Variants in ASTN2 observed in about 807,000 individuals in gnomAD.
The protein encoded by ASTN2 is astrotactin-2.
In ASTN2, 54 loss-of-function variants were observed where a neutral mutation model predicts 139.8. The observed-to-expected ratio is 0.39, with a 90% CI of 0.31 to 0.48. The LOEUF (loss-of-function observed/expected upper bound fraction) is 0.48, where lower values mean the gene tolerates loss of function less well. Ranked by LOEUF, ASTN2 falls within the 20% of genes least tolerant of loss-of-function variation. ASTN2 has a pLI of 0.95. For missense variants in ASTN2, 1,565 were observed against 1,725.1 expected (o/e 0.91, Z 1.64); for synonymous variants, 756 against 719.5 (o/e 1.05, Z -0.81).
chr9:117,120,791 T>C (rs1440719658), intron 4 of ASTN2, among the ~76,000 whole-genome samples: 1 of 152,202 alleles, frequency 6.6e-6, no homozygotes, highest in Non-Finnish European at 1.5e-5. Flanking sequence ...TCTCATCCTG[T>C]AGGTAATGGA....
chr9:116,505,154 C>G (rs538589190), intron 19 of ASTN2, among the ~76,000 whole-genome samples: 1 of 151,690 alleles, frequency 6.6e-6, no homozygotes, highest in East Asian at 1.9e-4. Flanking sequence ...TCAGAGAACC[C>G]TACTTTGCAT....
At chr9:116,484,250 T>C (rs1044274764) in intron 20 of ASTN2, among the ~76,000 whole-genome samples, 3 of 152,224 alleles carry the variant, frequency 2.0e-5, no homozygotes, top group African/African-American at 7.2e-5. Flanking sequence ...AGGTAAGCCT[T>C]GTTTGTGGAG....
At chr9:116,580,865 A>ATAGAAAACAAGAGCTATG (rs1463662469) in intron 19 of ASTN2, among the ~76,000 whole-genome samples, 12 of 152,184 alleles carry the variant, frequency 7.9e-5, no homozygotes, top group African/African-American at 2.9e-4. Context: ...GAGAGAAATA[A>ATAGAAAACAAGAGCTATG]TAGAAAACAA....
At chr9:116,847,007 C>CAAAAAAAAAAAAAAAAA (rs11302692) in intron 11 of ASTN2, among the ~76,000 whole-genome samples, 3 of 75,882 alleles carry the variant, frequency 4.0e-5, no homozygotes, top group East Asian at 4.0e-4. Context: ...GCTTCATTCT[C>CAAAAAAAAAAAAAAAAA]AAAAAAAAAA....
intron 19 of ASTN2, among the ~76,000 whole-genome samples, chr9:116,566,954 C>A (rs1853265133): frequency 6.6e-6 from 1 of 152,192 alleles, no homozygotes; most frequent in Non-Finnish European, 1.5e-5. Context: ...CTCACATAGG[C>A]CTTTCCCTTA....
intron 20 of ASTN2, among the ~76,000 whole-genome samples, chr9:116,478,968 G>A (rs1257174746): frequency 7.3e-6 from 1 of 136,238 alleles, no homozygotes; most frequent in African/African-American, 2.9e-5. Flanking sequence ...CTCCAGTCTG[G>A]GCGACAGAAG....
chr9:116,668,483 T>G (rs1409655806), intron 16 of ASTN2, among the ~76,000 whole-genome samples: 1 of 152,210 alleles, frequency 6.6e-6, no homozygotes, highest in Non-Finnish European at 1.5e-5. Context: ...TAAGCCACCA[T>G]GCCCGGCCGC....
At chr9:116,477,627 C>T (rs914271388) in intron 20 of ASTN2, among the ~76,000 whole-genome samples, 4 of 151,752 alleles carry the variant, frequency 2.6e-5, no homozygotes. Context: ...GACCCTAGGG[C>T]TGAGCAAGAG....
chr9:117,053,893 AT>A, intron 5 of ASTN2, among the ~76,000 whole-genome samples: 1 of 151,998 alleles, frequency 6.6e-6, no homozygotes, highest in East Asian at 1.9e-4. Context: ...TTTATTTTTT[AT>A]TTTTGCTTTC....
At chr9:116,646,446 G>A (rs1422084158) in intron 17 of ASTN2, among the ~76,000 whole-genome samples, 1 of 152,084 alleles carries the variant, frequency 6.6e-6, no homozygotes, top group Non-Finnish European at 1.5e-5. Flanking sequence ...TGGGAGGAAG[G>A]GTGATGGGAG....
At chr9:116,582,464 A>G (rs1326421672) in intron 19 of ASTN2, 1 of 152,252 alleles carries the variant, frequency 6.6e-6, no homozygotes, top group East Asian at 1.9e-4. Flanking sequence ...TAAGACCCAA[A>G]GCCAAAAGAA....
intron 11 of ASTN2, among the ~76,000 whole-genome samples, chr9:116,862,209 G>A (rs1345682793): frequency 6.6e-6 from 1 of 152,136 alleles, no homozygotes; most frequent in African/African-American, 2.4e-5. Flanking sequence ...CCAAGTGTGT[G>A]TTCTGTCTCC....
intron 16 of ASTN2, among the ~76,000 whole-genome samples, chr9:116,722,861 T>A (rs1588239808): frequency 6.6e-6 from 1 of 152,254 alleles, no homozygotes; most frequent in Non-Finnish European, 1.5e-5. Flanking sequence ...CATCTGTAAT[T>A]CACAGATAAA....
intron 3 of ASTN2, among the ~76,000 whole-genome samples, chr9:117,207,793 G>T (rs942592632): frequency 6.6e-6 from 1 of 152,132 alleles, no homozygotes; most frequent in African/African-American, 2.4e-5. Flanking sequence ...ACATCCCCCT[G>T]TTCTGAGAAA....
chr9:117,388,120 C>T (rs935748906), intron 1 of ASTN2, among the ~76,000 whole-genome samples: 2 of 152,150 alleles, frequency 1.3e-5, no homozygotes, highest in African/African-American at 4.8e-5. Flanking sequence ...ATCCAAGATT[C>T]CATTTGAAGA....
chr9:116,880,270 G>A (rs930663384), intron 10 of ASTN2, among the ~76,000 whole-genome samples: 2 of 152,136 alleles, frequency 1.3e-5, no homozygotes, highest in Non-Finnish European at 2.9e-5. Flanking sequence ...ATTTTCCCAT[G>A]AAATTTCATG....
At chr9:116,794,423 G>A (rs78463089) in intron 13 of ASTN2, among the ~76,000 whole-genome samples, 1,529 of 152,166 alleles carry the variant, frequency 0.01, 13 homozygotes, top group East Asian at 0.062. Context: ...TTTGAAGAAA[G>A]TCTACAAATT....
intron 4 of ASTN2, among the ~76,000 whole-genome samples, chr9:117,139,704 C>A (rs562288894): frequency 4.6e-5 from 7 of 152,286 alleles, no homozygotes; most frequent in East Asian, 1.9e-4. Flanking sequence ...TCAAATAACT[C>A]TCTGTCTAGC....
At chr9:116,768,705 C>T (rs1210994513) in intron 13 of ASTN2, among the ~76,000 whole-genome samples, 1 of 152,174 alleles carries the variant, frequency 6.6e-6, no homozygotes, top group Non-Finnish European at 1.5e-5. Context: ...CCTCTTCCAC[C>T]ATTTGAGGAT....
Sources: gnomAD v4.1 joint callset for allele counts (sites outside exome capture counted in the v4.1 genomes callset) on GRCh38, gnomAD v4.1.1 for gene constraint, MANE v1.5 for transcripts, NCBI Gene and HGNC (gene_info 2026-07-23, HGNC 2026-07-21) for gene names.